The following NBL1 variants were observed in gnomAD, a reference collection of about 807,000 sequenced individuals.
NBL1 encodes the protein neuroblastoma suppressor of tumorigenicity 1.
A neutral mutation model predicts 16.0 loss-of-function variants in NBL1; 9 were observed. The ratio of observed to expected loss-of-function variants is 0.56; its 90% confidence interval spans 0.34 to 0.98. The LOEUF is 0.98. Among genes scored for constraint, NBL1 ranks in the 50% least tolerant of loss-of-function variants. The pLI, the probability that NBL1 is intolerant of heterozygous loss-of-function variation, is 0.02. For synonymous variants in NBL1, 86 were observed against 100.7 expected (o/e 0.85, Z 0.87); for missense variants, 196 against 243.1 (o/e 0.81, Z 1.29).
chr1:19,650,755 T>G (rs1205843000), intron 1 of NBL1, among the ~76,000 whole-genome samples: 1 of 150,556 alleles, frequency 6.6e-6, no homozygotes, highest in Non-Finnish European at 1.5e-5. Flanking sequence ...AAAAATAGAT[T>G]AGTTGCTGCT....
intron 3 of NBL1, 125 bp downstream of exon 3, chr1:19,655,560 A>C: frequency 9.2e-7 from 1 of 1,083,944 alleles, no homozygotes; most frequent in Non-Finnish European, 1.3e-6. Flanking sequence ...CACTGTGTGC[A>C]GGGTGAAGGG....
chr1:19,645,948 C>T, intron 1 of NBL1: 10 of 1,550,434 alleles, frequency 6.4e-6, no homozygotes, highest in Non-Finnish European at 8.7e-6. Flanking sequence ...TTCTGCTGAG[C>T]AGATGTGCAG....
chr1:19,645,690 C>A (rs1009051979), intron 1 of NBL1: 1 of 1,236,736 alleles, frequency 8.1e-7, no homozygotes, highest in Admixed American at 3.7e-5. Context: ...AAAGAAAAGG[C>A]GAGGCTGCAG....
Position 19,646,249 on chromosome 1 carries a change from C to A in NBL1, c.-20+1803C>A, listed in dbSNP as rs1229127475. Among the ~76,000 whole-genome samples the A allele has an allele frequency of 1.5e-4, 23 of 152,230 alleles. 1 individual carries two copies. The stretch of plus-strand genomic sequence containing the variant: ...AGCGGCCTTAAGCAGTATGCTGGAG[C>A]CAGGCTCCTCCCTGGGGGATCTGCT... On this transcript the variant is annotated intron_variant, in intron 1 of 3. Transcript: ENST00000375136.
rs534877367 is a variant in NBL1 at position 19,649,452 on chromosome 1, G to A, written c.-20+5006G>A. On this transcript the variant is annotated intron_variant, in intron 1 of 3. Coordinates refer to ENST00000375136, the MANE Select transcript of NBL1 (RefSeq NM_005380.8). ...TGGCTCACTGCAACCTCTGCCTCCC[G>A]GGTTCAAGTGATTCTCCTGCCTCAG... Among the ~76,000 whole-genome samples, 140 of 151,962 alleles carry A rather than the reference G, an allele frequency of 9.2e-4. 1 individual carries two copies. The highest frequency in any genetic ancestry group is 3.2e-3 in the African/African-American group (134 of 41,458).
chr1:19,645,244 G>T (rs913062483), intron 1 of NBL1: 5 of 500,914 alleles, frequency 1.0e-5, no homozygotes, highest in Non-Finnish European at 1.3e-5. Flanking sequence ...TGAGTCTGGG[G>T]CAGGGAGAGC....
upstream of NBL1, chr1:19,643,634 A>G: frequency 7.5e-7 from 1 of 1,332,290 alleles, no homozygotes; most frequent in Non-Finnish European, 9.6e-7. This position sits in a 1 kb window ranked among gnomAD's most constrained non-coding sequence, Gnocchi z 4.7. Flanking sequence ...AAGTGAGTTC[A>G]TTTGCTGGCT....
At chr1:19,652,412 A>G (rs1432886283) in intron 1 of NBL1, among the ~76,000 whole-genome samples, 1 of 152,166 alleles carries the variant, frequency 6.6e-6, no homozygotes, top group Non-Finnish European at 1.5e-5. Context: ...AAGACCGGAA[A>G]TGCGTGGGTG....
chr1:19,643,299 G>A (rs1164684299), upstream of NBL1: 1 of 1,613,468 alleles, frequency 6.2e-7, no homozygotes, highest in Non-Finnish European at 8.5e-7. The surrounding 1 kb of genome is among the most constrained non-coding windows in gnomAD (Gnocchi z 4.7). Context: ...CAGGCCACTA[G>A]GAGCCACCCA....
At chr1:19,656,607 G>A (rs369822396) in intron 3 of NBL1, among the ~76,000 whole-genome samples, 2 of 151,870 alleles carry the variant, frequency 1.3e-5, no homozygotes, top group Admixed American at 6.6e-5. Flanking sequence ...CGGTGGGGGC[G>A]ATTTTAGCAG....
intron 1 of NBL1, among the ~76,000 whole-genome samples, chr1:19,652,868 A>G (rs1056807980): frequency 6.6e-6 from 1 of 152,074 alleles, no homozygotes; most frequent in Non-Finnish European, 1.5e-5. Context: ...AATGCCTGTA[A>G]TTCCAGCTAT....
intron 1 of NBL1, among the ~76,000 whole-genome samples, chr1:19,645,150 AAT>A (rs2094971085): frequency 6.6e-6 from 1 of 151,888 alleles, no homozygotes; most frequent in South Asian, 2.1e-4. Flanking sequence ...GGGGTTCACG[AAT>A]AGTTTCCTAG....
chr1:19,650,250 T>A (rs1337163367), intron 1 of NBL1, among the ~76,000 whole-genome samples: 2 of 152,250 alleles, frequency 1.3e-5, no homozygotes, highest in African/African-American at 4.8e-5. Context: ...GGCACATTTC[T>A]CAGAGTGCAT....
chr1:19,652,970 A>G (rs1414744431), intron 1 of NBL1, among the ~76,000 whole-genome samples: 1 of 150,362 alleles, frequency 6.7e-6, no homozygotes, highest in African/African-American at 2.5e-5. Flanking sequence ...CCTGGGCGAC[A>G]GAGTGAGACT....
Position 19,656,898 on chromosome 1 carries a change from G to A in NBL1, c.315G>A (p.Val105=). The part of the protein sequence containing the change: ...VTLECPGHEE[V]PRVDKLVEKI... ...TGGAGTGCCCGGGCCACGAGGAGGT[G>A]CCCAGGGTGGACAAGCTGGTGGAGA... Residue 105 remains valine, a synonymous_variant, in exon 4 of 4, where the codon GTG becomes GTA. Transcript: ENST00000375136. The A allele has an allele frequency of 6.2e-7, 1 of 1,613,188 alleles. No homozygotes were observed.
intron 1 of NBL1, among the ~76,000 whole-genome samples, chr1:19,652,739 G>A (rs962090074): frequency 1.3e-5 from 2 of 152,190 alleles, no homozygotes; most frequent in African/African-American, 4.8e-5. Flanking sequence ...TGTAATCCCA[G>A]CACCTTGGGA....
Position 19,646,215 on chromosome 1 carries a change from T to C in NBL1, c.-20+1769T>C, listed in dbSNP as rs542433201. Among the ~76,000 whole-genome samples the C allele has an allele frequency of 2.0e-5, 3 of 152,248 alleles. No individual in the cohort carries two copies. The South Asian group carries it at 6.2e-4, about 32-fold the overall frequency. ...CCACCCTGCCGTGAGACTGGGGTCG[T>C]GGAATCACAGCGGCCTTAAGCAGTA... On this transcript the variant is annotated intron_variant, in intron 1 of 3. Transcript: ENST00000375136.
chr1:19,648,779 T>TGGGGGGGGGGGGGG (rs2095001810), intron 1 of NBL1, among the ~76,000 whole-genome samples: 1 of 34,066 alleles, frequency 2.9e-5, no homozygotes, highest in Non-Finnish European at 5.6e-5. Context: ...GAGTGGCGGG[T>TGGGGGGGGGGGGGG]GGGTGGGGTT....
At chr1:19,649,707 A>G (rs72961720) in intron 1 of NBL1, among the ~76,000 whole-genome samples, 6,288 of 150,724 alleles carry the variant, frequency 0.042, 240 homozygotes, top group African/African-American at 0.1. Context: ...TCTTTCTTTC[A>G]TGATTGTGTA....
Sources: gnomAD v4.1 joint callset for allele counts (sites outside exome capture counted in the v4.1 genomes callset) on GRCh38, gnomAD v4.1.1 for gene constraint, Gnocchi (gnomAD v3.1) non-coding constraint, MANE v1.5 for transcripts, NCBI Gene and HGNC (gene_info 2026-07-23, HGNC 2026-07-21) for gene names.